Variants in STMND1 observed in about 807,000 individuals in gnomAD.
The protein encoded by STMND1 is stathmin domain-containing protein 1.
In STMND1, 17 loss-of-function variants were observed where a neutral mutation model predicts 23.0. The ratio of observed to expected loss-of-function variants is 0.74; its 90% CI spans 0.51 to 1.11. The LOEUF is 1.11. STMND1 is among the 50% of genes least tolerant of loss of function. STMND1 has a pLI of 0.00. For synonymous variants in STMND1, 114 were observed against 119.9 expected, an observed-to-expected ratio of 0.95 and a Z score of 0.32; for missense variants, 305 against 329.1, an observed-to-expected ratio of 0.93 and a Z score of 0.57.
At chr6:17,113,530 A>C (rs757013509) in intron 1 of STMND1, among the ~76,000 whole-genome samples, 1 of 152,224 alleles carries the variant, frequency 6.6e-6, no homozygotes, top group Non-Finnish European at 1.5e-5. Flanking sequence ...TTTGTGTTTG[A>C]CAGAATAACT....
At chr6:17,121,231 A>G (rs1761229893) in intron 3 of STMND1, among the ~76,000 whole-genome samples, 1 of 152,158 alleles carries the variant, frequency 6.6e-6, no homozygotes. Flanking sequence ...TTTATAAATT[A>G]CCCAGTCTCA....
chr6:17,108,888 G>T (rs2113475601), intron 1 of STMND1, among the ~76,000 whole-genome samples: 1 of 152,026 alleles, frequency 6.6e-6, no homozygotes, highest in South Asian at 2.1e-4. Context: ...TTGGAGATGG[G>T]GTTTTGCCAT....
chr6:17,120,751 A>G lies in STMND1; in HGVS notation c.404A>G (p.Asp135Gly). 2.0e-6 allele frequency: 3 copies of G among 1,523,456 alleles called. No homozygotes were observed. The highest frequency in any genetic ancestry group is 2.5e-5 in the East Asian group (1 of 40,804). The allele number at this position is 1,523,456 out of a possible 1,614,324, so 94.4% of individuals were successfully genotyped here. ...SKVFRNGESY[D>G]VTLTTTEKPL... The stretch of plus-strand genomic sequence containing the variant: ...GTATTTAGAAATGGAGAATCATATG[A>G]TGTCACGGCAAGTAATTTTGTAATT... Residue 135 changes from aspartate (D) to glycine (G), a missense_variant, in exon 3 of 5, where the codon GAT becomes GGT. Physicochemically the swap from Asp to Gly is moderately conservative, Grantham distance 94 (BLOSUM62 -1). Coordinates refer to ENST00000536551, the MANE Select transcript of STMND1 (RefSeq NM_001190766.2).
intron 1 of STMND1, among the ~76,000 whole-genome samples, chr6:17,113,855 T>G (rs992927583): frequency 2.0e-5 from 3 of 152,226 alleles, no homozygotes; most frequent in Non-Finnish European, 4.4e-5. Flanking sequence ...TCACACTCAG[T>G]GCTGAGCTTG....
Position 17,130,687 on chromosome 6 carries a change from G to A in STMND1, c.637G>A (p.Val213Ile). The A allele has an allele frequency of 1.3e-6, 2 of 1,536,062 alleles. No homozygotes were observed. The highest frequency in any genetic ancestry group is 1.7e-6 in the Non-Finnish European group (2 of 1,146,896). Reference protein sequence around the residue: ...SDSAELDGAEVAFAKGLQRVR... With the variant: ...SDSAELDGAEIAFAKGLQRVR... The stretch of plus-strand genomic sequence containing the variant: ...TTCAGCTGAATTAGATGGGGCCGAG[G>A]TTGCATTTGCCAAAGGACTTCAAAG... The change falls in exon 5 of 5, where the codon GTT becomes ATT. Residue 213 changes from valine (V) to isoleucine (I), a missense_variant. Transcript: ENST00000536551.
At chr6:17,130,203 T>TG (rs1343322076) in intron 4 of STMND1, among the ~76,000 whole-genome samples, 1 of 152,132 alleles carries the variant, frequency 6.6e-6, no homozygotes, top group Non-Finnish European at 1.5e-5. Context: ...CAGTTGAGGC[T>TG]GGGGGCAGGA....
intron 3 of STMND1, among the ~76,000 whole-genome samples, chr6:17,124,086 A>G (rs1761265181): frequency 6.6e-6 from 1 of 152,164 alleles, no homozygotes; most frequent in South Asian, 2.1e-4. Context: ...AACTGGCTAA[A>G]AACAAAACAA....
chr6:17,110,449 C>T (rs1028391491), intron 1 of STMND1: 1 of 165,458 alleles, frequency 6.0e-6, no homozygotes, highest in Non-Finnish European at 1.3e-5. Flanking sequence ...AGAAAAGTGC[C>T]CCTTGGGCCA....
At position 17,114,987 on chromosome 6, in the gene STMND1, G is replaced by A; in HGVS notation, c.107G>A (p.Gly36Glu). ...GCTGATGTCAGTGTGCCTCATACTG[G>A]GGAAAATTGCAGCCCCCGGATGGAA... ...FKADVSVPHT[G>E]ENCSPRMEAA... Residue 36 changes from glycine (G) to glutamate (E), a missense_variant, in exon 2 of 5, where the codon GGG (glycine) becomes GAG (glutamate). By Grantham distance (98) the Gly-to-Glu change is moderately conservative (BLOSUM62 -2). Coordinates refer to ENST00000536551, the MANE Select transcript of STMND1 (RefSeq NM_001190766.2). 1 of 1,531,610 alleles carries A rather than the reference G, an allele frequency of 6.5e-7. No homozygotes were observed. The highest frequency in any genetic ancestry group is 8.7e-7 in the Non-Finnish European group (1 of 1,145,486). 94.9% of individuals were successfully genotyped at this position (1,531,610 alleles called of 1,614,324 possible).
Position 17,130,980 on chromosome 6 carries a change from G to A in STMND1, c.*99G>A, listed in dbSNP as rs1218453143. 2.1e-5 allele frequency: 25 copies of A among 1,177,516 alleles called. No homozygotes were observed. Among genetic ancestry groups the A allele is most frequent in the Non-Finnish European group, 2.7e-5 (23 of 862,540 alleles). 72.9% of individuals were successfully genotyped at this position (1,177,516 alleles called of 1,614,324 possible). On this transcript the variant is annotated 3_prime_UTR_variant, in exon 5 of 5. Transcript: ENST00000536551. ...TTTGACTGACTGACCTCATTCCACT[G>A]GGATTTCTGCCTTGGGCTTAAGGAT...
chr6:17,129,072 A>G (rs1044652083), intron 3 of STMND1, 40 bp from the exon 4 acceptor site: 15 of 1,528,040 alleles, frequency 9.8e-6, no homozygotes, highest in Non-Finnish European at 1.2e-5. Context: ...CTGCCAGTGA[A>G]TATGATTGTT....
chr6:17,103,277 C>T (rs1267613965), intron 1 of STMND1, among the ~76,000 whole-genome samples: 2 of 152,190 alleles, frequency 1.3e-5, no homozygotes, highest in African/African-American at 2.4e-5. Context: ...GCCACCTTTC[C>T]GAAGGGTCAT....
chr6:17,104,300 C>G (rs940496800), intron 1 of STMND1, among the ~76,000 whole-genome samples: 4 of 152,124 alleles, frequency 2.6e-5, no homozygotes, highest in Non-Finnish European at 5.9e-5. Context: ...TCTTGTCGCC[C>G]TTTTCATACA....
chr6:17,125,021 A>AG (rs1761278006), intron 3 of STMND1, among the ~76,000 whole-genome samples: 1 of 151,740 alleles, frequency 6.6e-6, no homozygotes, highest in Non-Finnish European at 1.5e-5. Context: ...ATTAAAAAAA[A>AG]AAAAAGTTAA....
At chr6:17,119,700 C>CAAA (rs35768370) in intron 2 of STMND1, among the ~76,000 whole-genome samples, 3 of 128,754 alleles carry the variant, frequency 2.3e-5, no homozygotes, top group African/African-American at 8.8e-5. Context: ...AACCTCATCT[C>CAAA]AAAAAAAAAA....
At chr6:17,118,769 G>A (rs1761192060) in intron 2 of STMND1, among the ~76,000 whole-genome samples, 1 of 152,226 alleles carries the variant, frequency 6.6e-6, no homozygotes, top group African/African-American at 2.4e-5. Context: ...GAGAGTATGA[G>A]TGTTGGAGCC....
intron 1 of STMND1, among the ~76,000 whole-genome samples, chr6:17,106,176 A>G (rs903308383): frequency 6.6e-6 from 1 of 151,972 alleles, no homozygotes; most frequent in Non-Finnish European, 1.5e-5. Context: ...ATTTTACAAG[A>G]CACTCGAGGT....
At chr6:17,117,639 C>T (rs1761177513) in intron 2 of STMND1, among the ~76,000 whole-genome samples, 1 of 132,886 alleles carries the variant, frequency 7.5e-6, no homozygotes, top group Admixed American at 7.4e-5. Flanking sequence ...TTTGTTTGAG[C>T]TTTCCTCCTG....
intron 1 of STMND1, among the ~76,000 whole-genome samples, chr6:17,114,450 G>C (rs1281358847): frequency 6.6e-6 from 1 of 152,094 alleles, no homozygotes. Context: ...ATTTTTAGTA[G>C]AGATGGGGTT....
Sources: gnomAD v4.1 joint callset for allele counts (sites outside exome capture counted in the v4.1 genomes callset) on GRCh38, gnomAD v4.1.1 for gene constraint, MANE v1.5 for transcripts, NCBI Gene and HGNC (gene_info 2026-07-23, HGNC 2026-07-21) for gene names.